Variants in SPECC1L observed in about 807,000 individuals in gnomAD.
SPECC1L encodes the protein sperm antigen with calponin homology and coiled-coil domains 1 like, also known as cytospin-A.
Under a neutral mutation model 116.8 loss-of-function variants are expected in SPECC1L, and 40 were observed. The ratio of observed to expected loss-of-function variants is 0.34; its 90% CI spans 0.27 to 0.45. The LOEUF is 0.45. Ranked by LOEUF, SPECC1L falls within the 20% of genes least tolerant of loss-of-function variation. SPECC1L has a pLI of 1.00. For synonymous variants in SPECC1L, 504 were observed against 500.6 expected (o/e 1.01, Z -0.09); for missense variants, 1,110 against 1,373.6 (o/e 0.81, Z 3.03).
rs763869909 is a variant in SPECC1L at position 24,330,427 on chromosome 22, C to G, written c.2392C>G (p.Arg798Gly). ...LTKELEEIKS[R>G]KQEEERGRVY... ...AAAAGAATTGGAGGAAATAAAGTCA[C>G]GCAAGTAAGTTCTGAGAAACCTGTT... Residue 798 changes from arginine to glycine, a missense_variant, in exon 8 of 17, where the codon CGC becomes GGC. This residue lies in a region of SPECC1L where 575 missense variants were observed against 682.4 expected (regional missense o/e 0.84). Coordinates refer to ENST00000314328, the MANE Select transcript of SPECC1L (RefSeq NM_015330.6). The G allele has an allele frequency of 6.2e-7, 1 of 1,614,066 alleles. No homozygotes were observed. Among genetic ancestry groups the G allele is most frequent in the Non-Finnish European group, 8.5e-7 (1 of 1,180,006 alleles).
At chr22:24,356,721 A>C (rs189693563) in intron 11 of SPECC1L, among the ~76,000 whole-genome samples, 2 of 151,868 alleles carry the variant, frequency 1.3e-5, no homozygotes, top group Non-Finnish European at 2.9e-5. Flanking sequence ...TGACCCATCT[A>C]TTCTGCTTCT....
At chr22:24,327,296 A>AAAAAAAAAAAAAAC (rs1556236760) in intron 6 of SPECC1L, among the ~76,000 whole-genome samples, 12 of 149,954 alleles carry the variant, frequency 8.0e-5, no homozygotes, top group Non-Finnish European at 1.6e-4. Context: ...AAAAAAAAAA[A>AAAAAAAAAAAAAAC]AAAAAACATC....
intron 2 of SPECC1L, among the ~76,000 whole-genome samples, chr22:24,288,321 AC>A (rs2049085272): frequency 2.0e-5 from 3 of 152,010 alleles, no homozygotes; most frequent in South Asian, 4.2e-4. Flanking sequence ...CCTCTTACAC[AC>A]TCACTGTCTG....
chr22:24,300,430 C>T (rs1379538368), intron 2 of SPECC1L, among the ~76,000 whole-genome samples: 6 of 152,122 alleles, frequency 3.9e-5, no homozygotes. Flanking sequence ...AACAGTGCTG[C>T]AATAAACATA....
chr22:24,278,716 A>G lies in SPECC1L; in HGVS notation c.-38+1913A>G, dbSNP rs3876097. ...AGTGAGTGCAGCTTGAATCGTTGGC[A>G]GCTTTCTTAGTAGTATAAATACAGT... On this transcript the variant is annotated intron_variant, in intron 2 of 16. Transcript: ENST00000314328. Among the ~76,000 whole-genome samples, 6 of 152,382 alleles carry G rather than the reference A, an allele frequency of 3.9e-5. No homozygotes were observed. The South Asian group carries it at 8.3e-4, about 21-fold the overall frequency.
At chr22:24,302,111 A>G in intron 2 of SPECC1L, 84 bp from the exon 3 acceptor site, 1 of 1,077,128 alleles carries the variant, frequency 9.3e-7, no homozygotes, top group Non-Finnish European at 1.4e-6. Context: ...CAGTTTTATC[A>G]CATGGTAAAA....
intron 2 of SPECC1L, among the ~76,000 whole-genome samples, chr22:24,278,264 G>C (rs1190342336): frequency 6.6e-6 from 1 of 152,220 alleles, no homozygotes; most frequent in African/African-American, 2.4e-5. Context: ...GGGAGGCTGA[G>C]GTGGAAGGAT....
chr22:24,294,474 C>T (rs1306882778), intron 2 of SPECC1L, among the ~76,000 whole-genome samples: 7 of 151,176 alleles, frequency 4.6e-5, no homozygotes, highest in African/African-American at 1.7e-4. Flanking sequence ...CTCTGCCTCC[C>T]GGGTTCAAGC....
chr22:24,365,062 G>C (rs977653181), intron 12 of SPECC1L, among the ~76,000 whole-genome samples: 1 of 152,026 alleles, frequency 6.6e-6, no homozygotes, highest in African/African-American at 2.4e-5. Context: ...CTGGAGTGCA[G>C]AGTGGCGCAG....
rs182901614 is a variant in SPECC1L at position 24,298,081 on chromosome 22, A to G, written c.-37-4114A>G. 6.9e-3 allele frequency among the ~76,000 whole-genome samples: 1,056 copies of G among 152,288 alleles called. 53 individuals carry two copies. The highest frequency in any genetic ancestry group is 0.063 in the Admixed American group (961 of 15,282). On this transcript the variant is annotated intron_variant, in intron 2 of 16. Coordinates refer to ENST00000314328, the MANE Select transcript of SPECC1L (RefSeq NM_015330.6). ...CGACCTAAGATTTTTCAACTTTATG[A>G]TGGCATGAAACTGTCACATTTTGAA...
chr22:24,342,115 T>C (rs1165798370), intron 10 of SPECC1L, among the ~76,000 whole-genome samples: 1 of 152,256 alleles, frequency 6.6e-6, no homozygotes, highest in Non-Finnish European at 1.5e-5. Flanking sequence ...TACAGTAGTG[T>C]ACTTATTTGC....
Position 24,414,670 on chromosome 22 carries a change from C to G in SPECC1L, c.*47C>G. 1 of 1,537,292 alleles carries G rather than the reference C, an allele frequency of 6.5e-7. No individual in the cohort carries two copies. The highest frequency in any genetic ancestry group is 9.0e-7 in the Non-Finnish European group (1 of 1,112,518). On this transcript the variant is annotated 3_prime_UTR_variant, in exon 17 of 17. Coordinates refer to ENST00000314328, the MANE Select transcript of SPECC1L (RefSeq NM_015330.6). The stretch of plus-strand genomic sequence containing the variant: ...CAATAGCGGGGGTACCCCTCCACAG[C>G]GACCGAGCGACACCGACGCCATTAG...
intron 2 of SPECC1L, among the ~76,000 whole-genome samples, chr22:24,278,216 C>CT (rs2048874203): frequency 6.6e-6 from 1 of 152,228 alleles, no homozygotes; most frequent in Admixed American, 6.5e-5. Context: ...AATAAATTAG[C>CT]TGGGCGTTGT....
chr22:24,321,823 G>T lies in SPECC1L; in HGVS notation c.843G>T (p.Arg281Ser). 3.7e-6 allele frequency: 6 copies of T among 1,614,200 alleles called. No individual in the cohort carries two copies. The highest frequency in any genetic ancestry group is 4.2e-6 in the Non-Finnish European group (5 of 1,180,038). The change falls in exon 5 of 17, where the codon AGG becomes AGT. Residue 281 changes from arginine to serine, a missense_variant. Physicochemically the swap from Arg to Ser is moderately radical, Grantham distance 110 (BLOSUM62 -1). Coordinates refer to ENST00000314328, the MANE Select transcript of SPECC1L (RefSeq NM_015330.6). The stretch of plus-strand genomic sequence containing the variant: ...CATTGGGCTTTTCCCTAGAGCAGAG[G>T]TTAGACAATTCTGAAAAACTGTTTG... ...LNALGFSLEQ[R>S]LDNSEKLFGY...
chr22:24,291,555 C>G (rs2049156880), intron 2 of SPECC1L, among the ~76,000 whole-genome samples: 1 of 152,136 alleles, frequency 6.6e-6, no homozygotes, highest in African/African-American at 2.4e-5. Context: ...TAAAGGGTTT[C>G]TTTTACAAAG....
chr22:24,343,455 T>TG (rs2041221837), intron 10 of SPECC1L: 1 of 449,090 alleles, frequency 2.2e-6, no homozygotes, highest in African/African-American at 2.0e-5. Context: ...GTTGTGTTTT[T>TG]TTTTTGTTTT....
At chr22:24,314,991 G>A (rs1179699755) in intron 4 of SPECC1L, among the ~76,000 whole-genome samples, 1 of 152,210 alleles carries the variant, frequency 6.6e-6, no homozygotes, top group African/African-American at 2.4e-5. Context: ...AGTCCAAGGA[G>A]TAATGCTCTC....
At chr22:24,290,887 C>G (rs945255809) in intron 2 of SPECC1L, among the ~76,000 whole-genome samples, 4 of 152,190 alleles carry the variant, frequency 2.6e-5, no homozygotes, top group African/African-American at 7.2e-5. Flanking sequence ...ACACTTCTTA[C>G]TGGGTTTCTT....
chr22:24,322,036 C>T lies in SPECC1L; in HGVS notation c.1056C>T (p.Val352=), dbSNP rs1280992615. The stretch of plus-strand genomic sequence containing the variant: ...ATTTAGACAGTGAGTGCAGTGAGGT[C>T]TACCAGCCCCTCACATCGAGCGATG... ...MDNLDSECSE[V]YQPLTSSDDA... Residue 352 remains valine (V), a synonymous_variant, in exon 5 of 17, where the codon GTC becomes GTT. Coordinates refer to ENST00000314328, the MANE Select transcript of SPECC1L (RefSeq NM_015330.6). 1 of 1,614,190 alleles carries T rather than the reference C, an allele frequency of 6.2e-7. No homozygotes were observed.
Sources: gnomAD v4.1 joint callset for allele counts (sites outside exome capture counted in the v4.1 genomes callset) on GRCh38, gnomAD v4.1.1 for gene constraint, gnomAD v4.1.1 regional missense constraint, MANE v1.5 for transcripts, NCBI Gene and HGNC (gene_info 2026-07-23, HGNC 2026-07-21) for gene names.